STX18: variants seen among roughly 807,000 people sequenced by gnomAD.
The protein encoded by STX18 is syntaxin 18.
In STX18, 40 loss-of-function variants were observed where a neutral mutation model predicts 50.1. That is an observed-to-expected ratio of 0.80 (90% confidence interval 0.62 to 1.04). STX18 has a LOEUF of 1.04. Ranked by LOEUF, STX18 falls within the 50% of genes least tolerant of loss-of-function variation. The pLI is 0.00. For synonymous variants in STX18, 158 were observed against 151.8 expected, an observed-to-expected ratio of 1.04 and a Z score of -0.30; for missense variants, 410 against 415.8, an observed-to-expected ratio of 0.99 and a Z score of 0.12.
chr4:4,520,530 T>C (rs920581551), intron 1 of STX18, among the ~76,000 whole-genome samples: 2 of 152,242 alleles, frequency 1.3e-5, no homozygotes, highest in South Asian at 4.1e-4. Flanking sequence ...GCTATACTAT[T>C]AGATGTAAAG....
intron 1 of STX18, among the ~76,000 whole-genome samples, chr4:4,502,660 T>C (rs78995076): frequency 0.01 from 1,552 of 152,234 alleles, 31 homozygotes; most frequent in African/African-American, 0.034. Flanking sequence ...CTTTGCCCTG[T>C]TGTAGCTCTC....
At chr4:4,484,098 G>T (rs897548243) in intron 1 of STX18, among the ~76,000 whole-genome samples, 1 of 152,058 alleles carries the variant, frequency 6.6e-6, no homozygotes, top group Non-Finnish European at 1.5e-5. Flanking sequence ...TCCTGACCTC[G>T]TGATCCGCCC....
chr4:4,509,068 G>T (rs1729872046), intron 1 of STX18, among the ~76,000 whole-genome samples: 1 of 152,134 alleles, frequency 6.6e-6, no homozygotes, highest in African/African-American at 2.4e-5. Flanking sequence ...TATTTCTTTG[G>T]ATAGATACCC....
intron 6 of STX18, chr4:4,437,649 G>A (rs936398682): frequency 3.0e-6 from 3 of 984,938 alleles, no homozygotes; most frequent in Non-Finnish European, 3.6e-6. Flanking sequence ...GAACTGCCAT[G>A]AGACTACGGA....
chr4:4,420,816 A>ACT lies in STX18; in HGVS notation c.912+46_912+47dup. 1 of 1,532,782 alleles carries ACT rather than the reference A, an allele frequency of 6.5e-7. No homozygotes were observed. The highest frequency in any genetic ancestry group is 9.0e-7 in the Non-Finnish European group (1 of 1,106,748). The allele number at this position is 1,532,782 out of a possible 1,614,324, so 94.9% of individuals were successfully genotyped here. On this transcript the variant is annotated intron_variant, in intron 10 of 10. Coordinates refer to ENST00000306200, the MANE Select transcript of STX18 (RefSeq NM_016930.4). This position sits in a 1 kb window ranked among gnomAD's most constrained non-coding sequence, Gnocchi z 4.3. ...GGCGAGACTAACACCCGCTGCTGGG[A>ACT]CTCAGTGCTGCGCCACGTCGCACCT...
At chr4:4,533,837 A>C (rs946506839) in intron 1 of STX18, among the ~76,000 whole-genome samples, 1 of 152,254 alleles carries the variant, frequency 6.6e-6, no homozygotes, top group Non-Finnish European at 1.5e-5. Flanking sequence ...ACTCTTTGAC[A>C]CACTCCAGAT....
rs144143121 is a variant in STX18, at chr4:4,494,497, C to A, written c.169-22791G>T. Among the ~76,000 whole-genome samples, 1,186 of 152,234 alleles carry A rather than the reference C, an allele frequency of 7.8e-3. 9 individuals are homozygous for A. Among genetic ancestry groups the A allele is most frequent in the Non-Finnish European group, 0.013 (888 of 68,000 alleles). ...TGATGACTACATTACAGAGCATATT[C>A]CATATTTCATTGAATCTTCACAAAA... On this transcript the variant is annotated intron_variant, in intron 1 of 10. Coordinates refer to ENST00000306200, the MANE Select transcript of STX18 (RefSeq NM_016930.4).
At chr4:4,536,846 T>C (rs923064446) in intron 1 of STX18, among the ~76,000 whole-genome samples, 2 of 152,198 alleles carry the variant, frequency 1.3e-5, no homozygotes, top group Admixed American at 6.5e-5. Flanking sequence ...AATCTGAAAA[T>C]AGAGTTCCCA....
chr4:4,472,094 A>G (rs1014786882), intron 1 of STX18, among the ~76,000 whole-genome samples: 2 of 152,208 alleles, frequency 1.3e-5, no homozygotes, highest in African/African-American at 4.8e-5. Context: ...ACAGTTCTAA[A>G]GCTGAAGCTG....
intron 1 of STX18, among the ~76,000 whole-genome samples, chr4:4,517,656 A>T (rs1332514556): frequency 6.6e-6 from 1 of 152,232 alleles, no homozygotes; most frequent in Non-Finnish European, 1.5e-5. Flanking sequence ...CCACACAGAT[A>T]ATCTTGTGTT....
chr4:4,492,993 A>T (rs1028772741), intron 1 of STX18, among the ~76,000 whole-genome samples: 1 of 152,226 alleles, frequency 6.6e-6, no homozygotes, highest in Non-Finnish European at 1.5e-5. Flanking sequence ...TAATTTTAAA[A>T]GTTATTCACA....
chr4:4,460,415 G>C (rs1727319934), intron 2 of STX18, among the ~76,000 whole-genome samples: 2 of 151,802 alleles, frequency 1.3e-5, no homozygotes, highest in Admixed American at 1.3e-4. Flanking sequence ...AGACAGGTAG[G>C]CATCCCCCTC....
At chr4:4,522,724 A>G (rs938733969) in intron 1 of STX18, among the ~76,000 whole-genome samples, 1 of 139,812 alleles carries the variant, frequency 7.2e-6, no homozygotes, top group Non-Finnish European at 1.7e-5. Flanking sequence ...AGAAACAAAG[A>G]AAAGTATAAC....
intron 5 of STX18, among the ~76,000 whole-genome samples, chr4:4,444,284 T>C (rs1023805608): frequency 6.6e-6 from 1 of 152,336 alleles, no homozygotes; most frequent in East Asian, 1.9e-4. Flanking sequence ...GTTTTGTTTG[T>C]TGGCTCGGGG....
Position 4,420,886 on chromosome 4 carries a change from T to G in STX18, c.890A>C (p.Glu297Ala), listed in dbSNP as rs1187896229. The change falls in exon 10 of 11, where the codon GAA becomes GCA. Residue 297 changes from glutamate (E) to alanine (A), a missense_variant. By Grantham distance (107) the Glu-to-Ala change is moderately radical. Coordinates refer to ENST00000306200, the MANE Select transcript of STX18 (RefSeq NM_016930.4). This position sits in a 1 kb window ranked among gnomAD's most constrained non-coding sequence, Gnocchi z 4.3. ...TACCTCTCTTATGTCTTCGTTGCCT[T>G]CCTTGATATTTTCAGTTGCCCCCAC... ...LVVGATENIK[E>A]GNEDIREAIK... 9 of 1,614,034 alleles carry G rather than the reference T, an allele frequency of 5.6e-6. No homozygotes were observed. The highest frequency in any genetic ancestry group is 7.6e-6 in the Non-Finnish European group (9 of 1,180,038).
chr4:4,518,754 C>T (rs1730389334), intron 1 of STX18, among the ~76,000 whole-genome samples: 1 of 152,106 alleles, frequency 6.6e-6, no homozygotes, highest in African/African-American at 2.4e-5. Context: ...TTGATATTAT[C>T]TGCATCAACA....
chr4:4,509,700 T>C (rs7699603), intron 1 of STX18, among the ~76,000 whole-genome samples: 24,130 of 152,004 alleles, frequency 0.16, 1,972 homozygotes, highest in Non-Finnish European at 0.18. Flanking sequence ...AAAGCAAAAG[T>C]AATGCAAAGT....
chr4:4,453,848 T>C (rs1166965519), intron 5 of STX18, among the ~76,000 whole-genome samples: 2 of 152,186 alleles, frequency 1.3e-5, no homozygotes. Flanking sequence ...TGAACAGATA[T>C]TTACTGGGCA....
chr4:4,512,038 T>C (rs1730031928), intron 1 of STX18, among the ~76,000 whole-genome samples: 1 of 151,966 alleles, frequency 6.6e-6, no homozygotes, highest in South Asian at 2.1e-4. Flanking sequence ...CTAGCTGTAA[T>C]AACCAAAAAT....
Sources: allele counts gnomAD v4.1 joint callset (sites outside exome capture counted in the v4.1 genomes callset), GRCh38; gene constraint gnomAD v4.1.1; non-coding constraint Gnocchi (gnomAD v3.1); transcripts MANE v1.5; gene names NCBI Gene and HGNC (gene_info 2026-07-23, HGNC 2026-07-21).